DYDC1: variants seen among roughly 807,000 people sequenced by gnomAD.
DYDC1 encodes DPY30 domain-containing protein 1.
Under a neutral mutation model 27.9 loss-of-function variants are expected in DYDC1, and 21 were observed. That is an observed-to-expected ratio of 0.75 (90% CI 0.53 to 1.08). The LOEUF (loss-of-function observed/expected upper bound fraction) is 1.08. Among genes scored for constraint, DYDC1 ranks in the 50% least tolerant of loss-of-function variants. DYDC1 has a pLI of 0.00. For missense variants in DYDC1, 202 were observed against 205.9 expected, an observed-to-expected ratio of 0.98 and a Z score of 0.12; for synonymous variants, 67 against 65.8, an observed-to-expected ratio of 1.02 and a Z score of -0.09.
At chr10:80,338,985 G>A in intron 5 of DYDC1, 112 bp downstream of exon 5, 1 of 578,090 alleles carries the variant, frequency 1.7e-6, no homozygotes, top group Non-Finnish European at 2.9e-6. Flanking sequence ...TGGACTATCA[G>A]TTTTGATAAT....
chr10:80,338,380 C>T, intron 6 of DYDC1, 87 bp downstream of exon 6: 2 of 1,545,788 alleles, frequency 1.3e-6, no homozygotes, highest in Non-Finnish European at 1.7e-6. Context: ...CCTGGCCTAG[C>T]CTCATTTTCC....
At chr10:80,356,559 G>A (rs1843380711) in intron 1 of DYDC1, 153 bp downstream of exon 1, 3 of 985,476 alleles carry the variant, frequency 3.0e-6, no homozygotes, top group Non-Finnish European at 2.4e-6. Flanking sequence ...GGCCGCTTTC[G>A]GGAGCCCCAG....
At chr10:80,338,429 C>T (rs765987768) in intron 6 of DYDC1, 38 bp downstream of exon 6, 3 of 1,606,832 alleles carry the variant, frequency 1.9e-6, no homozygotes, top group East Asian at 4.5e-5. Context: ...AAAACAAAAA[C>T]AAAAACGAGT....
intron 3 of DYDC1, among the ~76,000 whole-genome samples, chr10:80,344,100 AG>A (rs1842471287): frequency 6.6e-6 from 1 of 152,216 alleles, no homozygotes; most frequent in Non-Finnish European, 1.5e-5. Context: ...TGGGTGACAG[AG>A]CGAGACTCTG....
intron 4 of DYDC1, among the ~76,000 whole-genome samples, chr10:80,342,024 C>CAA (rs60594545): frequency 2.8e-5 from 3 of 108,974 alleles, no homozygotes; most frequent in Non-Finnish European, 3.8e-5. Flanking sequence ...GACTCCGTCT[C>CAA]AAAAAAAAAA....
chr10:80,336,100 C>A (rs1842125734), downstream of DYDC1: 1 of 1,203,122 alleles, frequency 8.3e-7, no homozygotes, highest in East Asian at 2.4e-5. Flanking sequence ...TTGGGAACCT[C>A]ATGGTTTGAA....
At chr10:80,356,117 G>A (rs1843353612) in intron 1 of DYDC1, 3 of 424,646 alleles carry the variant, frequency 7.1e-6, no homozygotes, top group Non-Finnish European at 9.5e-6. Flanking sequence ...CAGGTCAGGG[G>A]AGGCTCTGTC....
chr10:80,356,354 C>T (rs570176006), intron 1 of DYDC1: 9 of 985,858 alleles, frequency 9.1e-6, no homozygotes, highest in Non-Finnish European at 1.1e-5. Context: ...ATTCCTTACC[C>T]ACACCTGGGA....
intron 4 of DYDC1, among the ~76,000 whole-genome samples, chr10:80,340,976 AC>A (rs1284174317): frequency 6.6e-6 from 1 of 152,148 alleles, no homozygotes; most frequent in East Asian, 1.9e-4. Context: ...AAAAAATCTC[AC>A]TTTTTGATTT....
chr10:80,342,401 T>C (rs375276857), intron 3 of DYDC1, 40 bp from the exon 4 acceptor site: 108 of 1,596,658 alleles, frequency 6.8e-5, no homozygotes, highest in East Asian at 1.1e-4. Context: ...GTTAGATTAA[T>C]TGCAAGATAA....
intron 6 of DYDC1, chr10:80,337,477 A>G (rs953784286): frequency 8.2e-6 from 8 of 977,384 alleles, no homozygotes; most frequent in Non-Finnish European, 9.7e-6. Flanking sequence ...CCTGACACCT[A>G]CTTCTCCATT....
intron 6 of DYDC1, chr10:80,337,003 T>C (rs566748401): frequency 2.8e-5 from 14 of 495,416 alleles, no homozygotes; most frequent in Middle Eastern, 1.0e-3. Flanking sequence ...CCAAAATCCC[T>C]AAGGCAACAT....
chr10:80,352,566 G>T lies in DYDC1; in HGVS notation c.36C>A (p.Ala12=). 1 of 1,612,252 alleles carries T rather than the reference G, an allele frequency of 6.2e-7. No homozygotes were observed. Among genetic ancestry groups the T allele is most frequent in the East Asian group, 2.2e-5 (1 of 44,838 alleles). ...CTTCTGCAAGACCTTGAGTTAAACA[G>T]GCCCCAAGGTGCTTTTGAAGATATA... is the stretch of plus-strand genomic sequence containing the variant. ...ESIYLQKHLG[A]CLTQGLAEVA... The change falls in exon 2 of 7, where the codon GCC becomes GCA. Residue 12 remains alanine, a synonymous_variant. Coordinates refer to ENST00000372202, the MANE Select transcript of DYDC1 (RefSeq NM_001269053.2).
Position 80,336,381 on chromosome 10 carries a change from C to T in DYDC1, c.505-196G>A, listed in dbSNP as rs1052166373. ...TTCTCAAAGTAGTTATTGTTCCATC[C>T]TTTCTTCTACTTCTCTTACTATGCA... On this transcript the variant is annotated intron_variant, in intron 6 of 6. Transcript: ENST00000372202. 3.1e-6 allele frequency: 3 copies of T among 970,020 alleles called. No individual in the cohort carries two copies. The African/African-American group carries it at 5.3e-5, about 17-fold the overall frequency. 60.1% of individuals were successfully genotyped at this position (970,020 alleles called of 1,614,324 possible).
At chr10:80,343,601 C>A (rs924706942) in intron 3 of DYDC1, among the ~76,000 whole-genome samples, 13 of 151,076 alleles carry the variant, frequency 8.6e-5, no homozygotes, top group Non-Finnish European at 1.5e-4. Flanking sequence ...GCGAGACCCC[C>A]ATCTCTAAAC....
chr10:80,355,677 C>T (rs1438588259), intron 1 of DYDC1, among the ~76,000 whole-genome samples: 1 of 152,156 alleles, frequency 6.6e-6, no homozygotes, highest in East Asian at 1.9e-4. Context: ...CTCTAAGACA[C>T]AGAATAAAGA....
At chr10:80,351,059 T>C (rs1177676796) in intron 3 of DYDC1, among the ~76,000 whole-genome samples, 1 of 152,198 alleles carries the variant, frequency 6.6e-6, no homozygotes, top group East Asian at 1.9e-4. Context: ...TACCAAGTAA[T>C]GCTAAATTAT....
chr10:80,352,316 G>A, intron 2 of DYDC1, 139 bp downstream of exon 2: 1 of 1,243,094 alleles, frequency 8.0e-7, no homozygotes. Flanking sequence ...TCTCCTTCCT[G>A]CTTTTCATGT....
chr10:80,342,463 C>A, intron 3 of DYDC1, 102 bp from the exon 4 acceptor site: 1 of 1,035,912 alleles, frequency 9.7e-7, no homozygotes, highest in South Asian at 1.7e-5. Context: ...TGGTCACATC[C>A]AACTAATACT....
Sources: gnomAD v4.1 joint callset for allele counts (sites outside exome capture counted in the v4.1 genomes callset) on GRCh38, gnomAD v4.1.1 for gene constraint, MANE v1.5 for transcripts, NCBI Gene and HGNC (gene_info 2026-07-23, HGNC 2026-07-21) for gene names.